CCDC141: variants seen among roughly 807,000 people sequenced by gnomAD.
The protein encoded by CCDC141 is coiled-coil domain-containing protein 141.
In CCDC141, 168 loss-of-function variants were observed where a neutral mutation model predicts 181.0. The observed-to-expected ratio is 0.93, with a 90% CI of 0.82 to 1.05. CCDC141 has a LOEUF of 1.05. Among genes scored for constraint, CCDC141 ranks in the 50% least tolerant of loss-of-function variants. CCDC141 has a pLI of 0.00. For missense variants in CCDC141, 1,902 were observed against 1,788.5 expected (o/e 1.06, Z -1.14); for synonymous variants, 666 against 642.3 (o/e 1.04, Z -0.56).
At chr2:178,987,000 G>T (rs941745103) in intron 2 of CCDC141, among the ~76,000 whole-genome samples, 1 of 151,868 alleles carries the variant, frequency 6.6e-6, no homozygotes, top group East Asian at 1.9e-4. Context: ...AAAAGAGCCC[G>T]CATCGCCAAG....
intron 8 of CCDC141, among the ~76,000 whole-genome samples, chr2:178,890,558 A>G (rs922922528): frequency 5.9e-5 from 9 of 152,052 alleles, no homozygotes; most frequent in Admixed American, 5.2e-4. Flanking sequence ...AGTTATCTAT[A>G]AGTCCTAGCC....
chr2:178,976,704 A>G (rs1031069317), intron 3 of CCDC141, among the ~76,000 whole-genome samples: 2 of 152,166 alleles, frequency 1.3e-5, no homozygotes, highest in Non-Finnish European at 2.9e-5. Flanking sequence ...TCCTACATGC[A>G]CATAATTCAA....
At chr2:179,021,250 G>A (rs983343435) in intron 2 of CCDC141, among the ~76,000 whole-genome samples, 1 of 152,068 alleles carries the variant, frequency 6.6e-6, no homozygotes, top group Non-Finnish European at 1.5e-5. Context: ...ATGAATTTCT[G>A]GCTTCAACTA....
intron 4 of CCDC141, among the ~76,000 whole-genome samples, chr2:178,972,568 C>A (rs913638630): frequency 6.6e-6 from 1 of 152,208 alleles, no homozygotes; most frequent in Admixed American, 6.5e-5. Context: ...ACTCCCCTGA[C>A]ACATGGCCCT....
chr2:179,041,475 A>G (rs2154388757), intron 2 of CCDC141, among the ~76,000 whole-genome samples: 1 of 123,400 alleles, frequency 8.1e-6, no homozygotes, highest in East Asian at 2.2e-4. Flanking sequence ...CTATTATTTA[A>G]TCGGGTTGGT....
intron 11 of CCDC141, 110 bp downstream of exon 11, chr2:178,884,791 G>T: frequency 1.4e-6 from 1 of 738,576 alleles, no homozygotes. Context: ...CCCACGCACA[G>T]GGGTAGAGGA....
chr2:178,947,860 G>A (rs1689796351), intron 5 of CCDC141, among the ~76,000 whole-genome samples: 1 of 152,136 alleles, frequency 6.6e-6, no homozygotes, highest in Non-Finnish European at 1.5e-5. Flanking sequence ...GCACACAGCA[G>A]GTTTCACAGA....
At chr2:179,048,464 T>C (rs1327101760) in intron 1 of CCDC141, among the ~76,000 whole-genome samples, 1 of 152,194 alleles carries the variant, frequency 6.6e-6, no homozygotes, top group African/African-American at 2.4e-5. Flanking sequence ...TGTAATTTTT[T>C]TGTGTTCAAT....
chr2:178,909,485 C>T (rs1688126193), intron 7 of CCDC141, among the ~76,000 whole-genome samples: 1 of 152,190 alleles, frequency 6.6e-6, no homozygotes, highest in Non-Finnish European at 1.5e-5. Context: ...GAATAATCTG[C>T]AGACATAGAA....
chr2:178,816,375 C>T, the CCDC141 span, among the ~76,000 whole-genome samples: 1 of 152,166 alleles, frequency 6.6e-6, no homozygotes, highest in South Asian at 2.1e-4. Context: ...ATGCCTTAGT[C>T]GTGTACTTCT....
In CCDC141 at chr2:178,833,030, C is replaced by A. The variant is rs1243454299; in HGVS notation, c.*1143G>T. 1 of 152,050 alleles carries A rather than the reference C, an allele frequency of 6.6e-6. No individual in the cohort carries two copies. The highest frequency in any genetic ancestry group is 2.4e-5 in the African/African-American group (1 of 41,390). The allele number at this position is 152,050 out of a possible 1,614,324, so 9.4% of individuals were successfully genotyped here. On this transcript the variant is annotated 3_prime_UTR_variant, in exon 24 of 24. Coordinates refer to ENST00000443758, the MANE Select transcript of CCDC141 (RefSeq NM_173648.4). ...CCTAGAACAAACAAAATGTATCCTC[C>A]TGAGTTTAATTTCAAGTCTTTGAAA...
chr2:178,988,575 A>C (rs554460045), intron 2 of CCDC141, among the ~76,000 whole-genome samples: 1 of 152,298 alleles, frequency 6.6e-6, no homozygotes, highest in East Asian at 1.9e-4. Flanking sequence ...AAAAAGCAAT[A>C]CTGTCTAAAG....
At chr2:178,878,300 T>TTTA (rs11282658) in intron 11 of CCDC141, among the ~76,000 whole-genome samples, 157 bp from the exon 12 acceptor site, 35 of 142,964 alleles carry the variant, frequency 2.4e-4, no homozygotes, top group African/African-American at 4.4e-4. Context: ...TATTTATTTA[T>TTTA]TTTATTTATT....
rs545465733 is a variant in CCDC141, at chr2:178,833,124, G to T, written c.*1049C>A. On this transcript the variant is annotated 3_prime_UTR_variant, in exon 24 of 24. Coordinates refer to ENST00000443758, the MANE Select transcript of CCDC141 (RefSeq NM_173648.4). ...TCATAAAACATCACTTTCCTCCATGGAACTAGTTGAAGATTACATATTAAC... is the reference window on the plus strand; with the variant it reads ...TCATAAAACATCACTTTCCTCCATGTAACTAGTTGAAGATTACATATTAAC... 1 of 151,982 alleles carries T rather than the reference G, an allele frequency of 6.6e-6. No homozygotes were observed. The highest frequency in any genetic ancestry group is 2.1e-4 in the South Asian group (1 of 4,808). 9.4% of individuals were successfully genotyped at this position (151,982 alleles called of 1,614,324 possible). A position where few individuals can be genotyped will look rare whatever the true frequency, so the allele number is the denominator to read the frequency against.
intron 8 of CCDC141, among the ~76,000 whole-genome samples, chr2:178,899,205 T>C (rs970691249): frequency 3.9e-5 from 6 of 152,206 alleles, no homozygotes; most frequent in Non-Finnish European, 8.8e-5. Flanking sequence ...GTCTGCAGCC[T>C]AGAAACAATA....
the CCDC141 span, among the ~76,000 whole-genome samples, chr2:178,823,017 T>C: frequency 0.99 from 150,296 of 152,222 alleles, 74,185 homozygotes; most frequent in East Asian, 1. Context: ...TGTGTCCACA[T>C]ATGAAAAGGA....
intron 2 of CCDC141, among the ~76,000 whole-genome samples, chr2:179,003,197 T>C (rs1057163440): frequency 6.6e-6 from 1 of 152,228 alleles, no homozygotes; most frequent in African/African-American, 2.4e-5. Context: ...TTATCTTTCA[T>C]GTATAAAGAT....
At chr2:178,861,293 A>G (rs1685605852) in intron 17 of CCDC141, among the ~76,000 whole-genome samples, 1 of 152,104 alleles carries the variant, frequency 6.6e-6, no homozygotes, top group African/African-American at 2.4e-5. Flanking sequence ...CAGCATCTCA[A>G]GTAATTGAGA....
Position 178,831,163 on chromosome 2 carries a change from A to G in CCDC141, c.*3010T>C, listed in dbSNP as rs1349558554. On this transcript the variant is annotated 3_prime_UTR_variant, in exon 24 of 24. Transcript: ENST00000443758. ...ATATTTTAAATATCATAGAATATTC[A>G]GAGATTCAAATGTACAGATTCCTAC... The G allele has an allele frequency of 6.6e-6, 1 of 152,226 alleles. No homozygotes were observed. Among genetic ancestry groups the G allele is most frequent in the Non-Finnish European group, 1.5e-5 (1 of 68,034 alleles). The allele number at this position is 152,226 out of a possible 1,614,324, so 9.4% of individuals were successfully genotyped here.
Sources: allele counts gnomAD v4.1 joint callset (sites outside exome capture counted in the v4.1 genomes callset), GRCh38; gene constraint gnomAD v4.1.1; transcripts MANE v1.5; gene names NCBI Gene and HGNC (gene_info 2026-07-23, HGNC 2026-07-21).